Variants in GABRA3 observed in about 807,000 individuals in gnomAD.
GABRA3 encodes gamma-aminobutyric acid receptor subunit alpha-3.
In GABRA3, 10 loss-of-function variants were observed where a neutral mutation model predicts 30.1. The ratio of observed to expected loss-of-function variants is 0.33; its 90% confidence interval spans 0.20 to 0.56. The LOEUF (loss-of-function observed/expected upper bound fraction) is 0.56. Ranked by LOEUF, GABRA3 falls within the 20% of genes least tolerant of loss-of-function variation. GABRA3 has a pLI of 0.89. For synonymous variants in GABRA3, 151 were observed against 146.8 expected (o/e 1.03, Z -0.21); for missense variants, 233 against 392.0 (o/e 0.59, Z 3.42).
chrX:152,182,662 T>TGTATATA (rs2124338612), intron 9 of GABRA3, among the ~76,000 whole-genome samples: 7 of 72,853 alleles, frequency 9.6e-5, no homozygotes, highest in African/African-American at 4.0e-4. Flanking sequence ...ACATATATAG[T>TGTATATA]GTATATATAC....
At chrX:152,383,938 A>G (rs1929224134) in intron 1 of GABRA3, among the ~76,000 whole-genome samples, 1 of 98,625 alleles carries the variant, frequency 1.0e-5, no homozygotes, top group African/African-American at 3.6e-5. Flanking sequence ...TGATGACATG[A>G]TTTTTATATG....
intron 7 of GABRA3, among the ~76,000 whole-genome samples, chrX:152,199,393 A>T (rs1419989708): frequency 9.2e-6 from 1 of 109,072 alleles, no homozygotes; most frequent in Non-Finnish European, 1.9e-5. Flanking sequence ...AAAGCAAAAA[A>T]CAAGCAGAGG....
At chrX:152,178,570 AAAAG>A (rs1937104402) in intron 9 of GABRA3, among the ~76,000 whole-genome samples, 1 of 112,224 alleles carries the variant, frequency 8.9e-6, no homozygotes, top group Non-Finnish European at 1.9e-5. Flanking sequence ...TGAAAATAAA[AAAAG>A]AAAGTCCAAG....
At chrX:152,385,339 A>T (rs1342858528) in intron 1 of GABRA3, among the ~76,000 whole-genome samples, 3 of 112,005 alleles carry the variant, frequency 2.7e-5, no homozygotes, top group Non-Finnish European at 5.6e-5. Context: ...TTCTGTAAAA[A>T]CAGAACTGGA....
chrX:152,303,631 A>G (rs774868107), intron 3 of GABRA3, among the ~76,000 whole-genome samples: 1 of 112,218 alleles, frequency 8.9e-6, no homozygotes, highest in African/African-American at 3.2e-5. Context: ...CCATGCAGCC[A>G]TAAAAATGAA....
At chrX:152,227,522 T>TA (rs1201674812) in intron 5 of GABRA3, among the ~76,000 whole-genome samples, 1 of 106,129 alleles carries the variant, frequency 9.4e-6, no homozygotes, top group Non-Finnish European at 1.9e-5. Flanking sequence ...CCCTAAAACT[T>TA]AAAGTATAAT....
In GABRA3 at chrX:152,255,756, G is replaced by C. The variant is rs185292944; in HGVS notation, c.551+22C>G. 1.4e-5 allele frequency: 16 copies of C among 1,177,746 alleles called. No individual in the cohort carries two copies. The Admixed American group carries it at 2.6e-4, about 19-fold the overall frequency. ...CAGTCCTACTCCCAATATACTTTGG[G>C]TGGGAACCACCACTCTCTGACCTCA... On this transcript the variant is annotated intron_variant, in intron 5 of 9. Transcript: ENST00000370314.
chrX:152,417,377 T>C (rs1225123842), intron 1 of GABRA3, among the ~76,000 whole-genome samples: 7 of 109,826 alleles, frequency 6.4e-5, no homozygotes, highest in Non-Finnish European at 1.3e-4. Flanking sequence ...AGGAAACAAC[T>C]GGTGCTGGAG....
At position 152,293,541 on chromosome X, in the gene GABRA3, C is replaced by T. The variant is rs916606240; in HGVS notation, c.263-8806G>A. ...GTCAGTCTGTGTCTTTTAATTGGGG[C>T]GTTTAGTCCATTTACAATTAAGGTT... is the stretch of plus-strand genomic sequence containing the variant. On this transcript the variant is annotated intron_variant, in intron 3 of 9. Transcript: ENST00000370314. 1.4e-4 allele frequency among the ~76,000 whole-genome samples: 15 copies of T among 110,698 alleles called. 2 individuals are homozygous for T. Among genetic ancestry groups the T allele is most frequent in the Admixed American group, 6.7e-4 (7 of 10,432 alleles).
intron 6 of GABRA3, 26 bp downstream of exon 6, chrX:152,224,737 C>CAG (rs55983378): frequency 0.027 from 26,374 of 994,640 alleles, 220 homozygotes; most frequent in Middle Eastern, 0.061. Flanking sequence ...AAAAAAAAGA[C>CAG]AGAGAGAGAG....
intron 3 of GABRA3, among the ~76,000 whole-genome samples, chrX:152,300,722 T>A (rs935513864): frequency 8.9e-6 from 1 of 111,858 alleles, no homozygotes; most frequent in East Asian, 2.8e-4. Context: ...ATTTTAGAAA[T>A]AAAAAATGCA....
At chrX:152,362,122 G>A (rs1296989712) in intron 2 of GABRA3, among the ~76,000 whole-genome samples, 1 of 110,903 alleles carries the variant, frequency 9.0e-6, no homozygotes, top group Non-Finnish European at 1.9e-5. Context: ...CAGCCCCAGA[G>A]ATTACTGTAA....
chrX:152,299,243 T>TA (rs1268547317), intron 3 of GABRA3, among the ~76,000 whole-genome samples: 1 of 111,481 alleles, frequency 9.0e-6, no homozygotes, highest in Admixed American at 9.5e-5. Context: ...AAGAGTAAAG[T>TA]AAAAAAGACT....
chrX:152,439,964 C>A (rs771035286), intron 1 of GABRA3, among the ~76,000 whole-genome samples: 1 of 111,701 alleles, frequency 9.0e-6, no homozygotes, highest in African/African-American at 3.2e-5. Flanking sequence ...TAGGCATGGG[C>A]AAAGACTTCA....
intron 6 of GABRA3, 76 bp downstream of exon 6, chrX:152,224,687 A>G: frequency 1.3e-6 from 1 of 749,957 alleles, no homozygotes; most frequent in Admixed American, 2.7e-5. Flanking sequence ...TGCAGTGGAC[A>G]GAATATAATA....
At chrX:152,189,270 C>T (rs1937293112) in intron 9 of GABRA3, among the ~76,000 whole-genome samples, 1 of 112,109 alleles carries the variant, frequency 8.9e-6, no homozygotes, top group South Asian at 3.7e-4. Flanking sequence ...ATGAGTAGGT[C>T]TTTAACAGGC....
Position 152,254,316 on chromosome X carries a change from T to C in GABRA3, c.551+1462A>G, listed in dbSNP as rs1389484570. On this transcript the variant is annotated intron_variant, in intron 5 of 9. Coordinates refer to ENST00000370314, the MANE Select transcript of GABRA3 (RefSeq NM_000808.4). ...CCACTTCATTATATTCGCCTATCTC[T>C]TTAGAATATCCTAATATCTAATCTA... 3.6e-5 allele frequency among the ~76,000 whole-genome samples: 4 copies of C among 111,147 alleles called. No individual in the cohort carries two copies. The East Asian group carries it at 1.1e-3, about 31-fold the overall frequency.
In GABRA3 at chrX:152,248,450, G is replaced by C. The variant is rs774688940; in HGVS notation, c.551+7328C>G. ...AGCACAGTGGTCTTGAAACAAACTT[G>C]CACGTTGTGCACATGTACCCTAAAA... On this transcript the variant is annotated intron_variant, in intron 5 of 9. Transcript: ENST00000370314. 2.6e-4 allele frequency among the ~76,000 whole-genome samples: 29 copies of C among 110,862 alleles called. No individual in the cohort carries two copies. In the East Asian group the frequency reaches 5.4e-3, roughly 21 times the overall value.
At chrX:152,291,853 G>A (rs1390894238) in intron 3 of GABRA3, among the ~76,000 whole-genome samples, 6 of 111,744 alleles carry the variant, frequency 5.4e-5, no homozygotes, top group African/African-American at 2.0e-4. Flanking sequence ...TGCATCCCAG[G>A]GATGAAGCCA....
Sources: allele counts gnomAD v4.1 joint callset (sites outside exome capture counted in the v4.1 genomes callset), GRCh38; gene constraint gnomAD v4.1.1; transcripts MANE v1.5; gene names NCBI Gene and HGNC (gene_info 2026-07-23, HGNC 2026-07-21).